The following UBAP1L variants were observed in gnomAD, a reference collection of about 807,000 sequenced individuals.
The protein encoded by UBAP1L is ubiquitin associated protein 1 like, also known as ubiquitin-associated protein 1-like.
In UBAP1L, 32 loss-of-function variants were observed where a neutral mutation model predicts 32.1. That is an observed-to-expected ratio of 1.00 (90% confidence interval 0.75 to 1.34). The LOEUF is 1.34. Ranked by LOEUF, UBAP1L falls within the 40% of genes most tolerant of loss-of-function variation. The pLI is 0.00. For synonymous variants in UBAP1L, 243 were observed against 250.2 expected (o/e 0.97, Z 0.27); for missense variants, 516 against 540.5 (o/e 0.95, Z 0.45).
Position 65,101,075 on chromosome 15 carries a change from A to G in UBAP1L, c.699+1031T>C, listed in dbSNP as rs2087234327. The G allele has an allele frequency of 2.6e-5, 4 of 152,216 alleles. No individual in the cohort carries two copies. In the South Asian group the frequency reaches 8.3e-4, roughly 32 times the overall value. The allele number at this position is 152,216 out of a possible 1,614,324, so 9.4% of individuals were successfully genotyped here. ...AGGGTTGTTGGCTCACAGTGCAGGT[A>G]GAGAAGGGGTGGTTCAGTGACTTGC... On this transcript the variant is annotated intron_variant, in intron 3 of 5. Transcript: ENST00000559089.
At chr15:65,105,717 C>T (rs568452179) in intron 2 of UBAP1L, 4 of 696,244 alleles carry the variant, frequency 5.7e-6, no homozygotes, top group East Asian at 2.8e-5. Flanking sequence ...ACCATTCTGA[C>T]GTTACAATGG....
At chr15:65,111,536 C>T (rs183531475) in intron 1 of UBAP1L, among the ~76,000 whole-genome samples, 1 of 152,282 alleles carries the variant, frequency 6.6e-6, no homozygotes, top group East Asian at 1.9e-4. Flanking sequence ...GGCTGGAGTG[C>T]AGTAGTGCAA....
In UBAP1L at chr15:65,094,173, T is replaced by G. The variant is rs922632521; in HGVS notation, c.1011+302A>C. Reference sequence around the variant, plus strand: ...TCCTATCTGAGTGTCCGACAAAGAGTGGCCATTCAGTCACAGAGGCTGTGT... The same window carrying G: ...TCCTATCTGAGTGTCCGACAAAGAGGGGCCATTCAGTCACAGAGGCTGTGT... On this transcript the variant is annotated intron_variant, in intron 5 of 5. Coordinates refer to ENST00000559089, the MANE Select transcript of UBAP1L (RefSeq NM_001163692.2). The surrounding 1 kb of genome is among the most constrained non-coding windows in gnomAD (Gnocchi z 4.2). Among the ~76,000 whole-genome samples the G allele has an allele frequency of 3.3e-5, 5 of 152,040 alleles. No homozygotes were observed. Among genetic ancestry groups the G allele is most frequent in the African/African-American group, 1.2e-4 (5 of 41,364 alleles).
rs2087245036 is a variant in UBAP1L, at chr15:65,102,048, A to G, written c.699+58T>C. The stretch of plus-strand genomic sequence containing the variant: ...AGGCTGCGGGCTGGGCTGGACACCC[A>G]GATTATGGGGCCTGGGCTGCTGATT... On this transcript the variant is annotated intron_variant, in intron 3 of 5. Coordinates refer to ENST00000559089, the MANE Select transcript of UBAP1L (RefSeq NM_001163692.2). The surrounding 1 kb of genome is among the most constrained non-coding windows in gnomAD (Gnocchi z 5.0). 2 of 824,948 alleles carry G rather than the reference A, an allele frequency of 2.4e-6. No homozygotes were observed. The highest frequency in any genetic ancestry group is 5.9e-5 in the South Asian group (1 of 16,972). 51.1% of individuals were successfully genotyped at this position (824,948 alleles called of 1,614,324 possible).
chr15:65,093,695 A>C (rs1259661197), intron 5 of UBAP1L, among the ~76,000 whole-genome samples: 1 of 151,884 alleles, frequency 6.6e-6, no homozygotes, highest in Non-Finnish European at 1.5e-5. Context: ...GCCTCACCCA[A>C]CCCTCCGTCC....
Position 65,094,492 on chromosome 15 carries a change from G to T in UBAP1L, c.994C>A (p.Gln332Lys). Residue 332 changes from glutamine to lysine, a missense_variant, in exon 5 of 6, where the codon CAG becomes AAG. Transcript: ENST00000559089. The surrounding 1 kb of genome is among the most constrained non-coding windows in gnomAD (Gnocchi z 4.2). ...CTGCTGACCTGGCTCTCGGAGAACT[G>T]GAACATCTCCATGGCCTCATCCACC... ...GLVDEAMEMF[Q>K]FSESQAGEFL... 1 of 1,550,984 alleles carries T rather than the reference G, an allele frequency of 6.4e-7. No individual in the cohort carries two copies. Among genetic ancestry groups the T allele is most frequent in the Non-Finnish European group, 8.7e-7 (1 of 1,146,684 alleles).
At chr15:65,112,850 C>T (rs1243217780) in intron 1 of UBAP1L, among the ~76,000 whole-genome samples, 1 of 152,182 alleles carries the variant, frequency 6.6e-6, no homozygotes, top group African/African-American at 2.4e-5. Flanking sequence ...GTACTCATCT[C>T]TGATACTTTC....
intron 1 of UBAP1L, among the ~76,000 whole-genome samples, chr15:65,113,546 G>C (rs1432194350): frequency 6.6e-6 from 1 of 152,110 alleles, no homozygotes; most frequent in Admixed American, 6.6e-5. Flanking sequence ...TCAGGAGTTC[G>C]AGACCTGCCT....
At chr15:65,110,317 C>T (rs1003839406) in intron 1 of UBAP1L, among the ~76,000 whole-genome samples, 4 of 150,808 alleles carry the variant, frequency 2.7e-5, no homozygotes, top group Non-Finnish European at 5.9e-5. Context: ...TGAAATCGCG[C>T]GACTGCACTC....
rs1463969865 is a variant in UBAP1L at position 65,092,956 on chromosome 15, T to C, written c.*141A>G. ...CAGCAGATTCTGCTGCTGTTAACTG[T>C]CACCCTTGGTATTATTTGTGTTTTT... On this transcript the variant is annotated 3_prime_UTR_variant, in exon 6 of 6. Coordinates refer to ENST00000559089, the MANE Select transcript of UBAP1L (RefSeq NM_001163692.2). 8.4e-7 allele frequency: 1 copy of C among 1,185,042 alleles called. No homozygotes were observed. The highest frequency in any genetic ancestry group is 1.1e-6 in the Non-Finnish European group (1 of 875,572). 73.4% of individuals were successfully genotyped at this position (1,185,042 alleles called of 1,614,324 possible). A position where few individuals can be genotyped will look rare whatever the true frequency, so the allele number is the denominator to read the frequency against.
intron 5 of UBAP1L, among the ~76,000 whole-genome samples, chr15:65,093,525 G>A (rs191163235): frequency 6.6e-6 from 1 of 152,200 alleles, no homozygotes; most frequent in Non-Finnish European, 1.5e-5. Flanking sequence ...GGGGCAGGAG[G>A]GGGGCAGACC....
chr15:65,094,596 AGAGG>A lies in UBAP1L; in HGVS notation c.910-24_910-21del. On this transcript the variant is annotated intron_variant, in intron 4 of 5. Coordinates refer to ENST00000559089, the MANE Select transcript of UBAP1L (RefSeq NM_001163692.2). The surrounding 1 kb of genome is among the most constrained non-coding windows in gnomAD (Gnocchi z 4.2). ...GAGAAACTGGGCCGGAAGCGGGCAGAGAGGGAGGGAGGGTAAGAGGAGCAGCCGG... is the reference window on the plus strand; with the variant it reads ...GAGAAACTGGGCCGGAAGCGGGCAGAGAGGGAGGGTAAGAGGAGCAGCCGG... 2.0e-6 allele frequency: 3 copies of A among 1,537,956 alleles called. No individual in the cohort carries two copies. The highest frequency in any genetic ancestry group is 2.6e-6 in the Non-Finnish European group (3 of 1,135,332).
rs1437289217 is a variant in UBAP1L, at chr15:65,094,801, GC to G, written c.910-226del. On this transcript the variant is annotated intron_variant, in intron 4 of 5. Transcript: ENST00000559089. This position sits in a 1 kb window ranked among gnomAD's most constrained non-coding sequence, Gnocchi z 4.2. ...AATGGGTCTTCACCAACTATGCCAA[GC>G]TGGGGGCTGGACTCCAGGAAAAGGG... The G allele has an allele frequency of 1.7e-6, 1 of 573,112 alleles. No homozygotes were observed. Among genetic ancestry groups the G allele is most frequent in the Non-Finnish European group, 3.1e-6 (1 of 318,548 alleles). 35.5% of individuals were successfully genotyped at this position (573,112 alleles called of 1,614,324 possible).
At position 65,095,290 on chromosome 15, in the gene UBAP1L, C is replaced by T. The variant is rs534570615; in HGVS notation, c.910-714G>A. On this transcript the variant is annotated intron_variant, in intron 4 of 5. Coordinates refer to ENST00000559089, the MANE Select transcript of UBAP1L (RefSeq NM_001163692.2). ...TCCCTCAGCCAAGGCTGGCCTCCTT[C>T]CCTGTCCCTGGGAAGCTTCCTGCCC... 1.0e-4 allele frequency: 16 copies of T among 152,724 alleles called. No individual in the cohort carries two copies. In the South Asian group the frequency reaches 2.1e-3, roughly 20 times the overall value. 9.5% of individuals were successfully genotyped at this position (152,724 alleles called of 1,614,324 possible). A position where few individuals can be genotyped will look rare whatever the true frequency, so the allele number is the denominator to read the frequency against.
intron 1 of UBAP1L, among the ~76,000 whole-genome samples, chr15:65,111,684 C>T (rs1241871345): frequency 6.6e-6 from 1 of 151,200 alleles, no homozygotes; most frequent in African/African-American, 2.4e-5. Context: ...GGGGTTTCGC[C>T]ATACTGGTCA....
intron 4 of UBAP1L, chr15:65,095,250 C>G (rs1335751913): frequency 6.6e-6 from 1 of 152,570 alleles, no homozygotes; most frequent in African/African-American, 2.4e-5. Context: ...CCCTCCAGGT[C>G]TCTGCAGATG....
chr15:65,104,614 T>C (rs1017139518), intron 2 of UBAP1L, among the ~76,000 whole-genome samples: 2 of 152,192 alleles, frequency 1.3e-5, no homozygotes, highest in Non-Finnish European at 2.9e-5. Flanking sequence ...GCACAGTGGC[T>C]CATCTGTAAT....
chr15:65,103,814 AG>A (rs2087271899), intron 2 of UBAP1L, among the ~76,000 whole-genome samples: 1 of 152,230 alleles, frequency 6.6e-6, no homozygotes, highest in African/African-American at 2.4e-5. Flanking sequence ...GAAGGCAAAA[AG>A]ACTTCAGAAC....
chr15:65,110,251 C>G (rs1478339321), intron 1 of UBAP1L, among the ~76,000 whole-genome samples: 7 of 151,428 alleles, frequency 4.6e-5, no homozygotes, highest in African/African-American at 1.7e-4. Context: ...CCCAGCTACT[C>G]AGGAAGCTGA....
Sources: allele counts gnomAD v4.1 joint callset (sites outside exome capture counted in the v4.1 genomes callset), GRCh38; gene constraint gnomAD v4.1.1; non-coding constraint Gnocchi (gnomAD v3.1); transcripts MANE v1.5; gene names NCBI Gene and HGNC (gene_info 2026-07-23, HGNC 2026-07-21).